COL25A1: variants seen among roughly 807,000 people sequenced by gnomAD.
COL25A1 encodes the protein collagen type XXV alpha 1 chain.
A neutral mutation model predicts 128.4 loss-of-function variants in COL25A1; 103 were observed. That is an observed-to-expected ratio of 0.80 (90% confidence interval 0.68 to 0.94). COL25A1 has a LOEUF of 0.94. Ranked by LOEUF, COL25A1 falls within the 40% of genes least tolerant of loss-of-function variation. COL25A1 has a pLI of 0.00. For missense variants in COL25A1, 745 were observed against 840.0 expected (o/e 0.89, Z 1.40); for synonymous variants, 279 against 277.2 (o/e 1.01, Z -0.06).
intron 11 of COL25A1, among the ~76,000 whole-genome samples, chr4:108,921,647 C>T (rs1745506080): frequency 6.6e-6 from 1 of 152,172 alleles, no homozygotes; most frequent in Non-Finnish European, 1.5e-5. Context: ...CTCATGCATC[C>T]TTTTTATTAA....
chr4:109,201,677 C>T (rs368928102), intron 3 of COL25A1, among the ~76,000 whole-genome samples: 15 of 152,058 alleles, frequency 9.9e-5, no homozygotes, highest in Non-Finnish European at 1.6e-4. Context: ...GGCATATAGA[C>T]TGGGAAGGAA....
intron 3 of COL25A1, among the ~76,000 whole-genome samples, chr4:109,116,523 C>T (rs1025585816): frequency 1.3e-5 from 2 of 151,944 alleles, no homozygotes; most frequent in East Asian, 1.9e-4. Flanking sequence ...TAGAACTCTC[C>T]TCCTCTCCCC....
At chr4:108,978,620 G>A (rs1019489874) in intron 6 of COL25A1, among the ~76,000 whole-genome samples, 2 of 152,066 alleles carry the variant, frequency 1.3e-5, no homozygotes, top group South Asian at 4.1e-4. Flanking sequence ...ATGGCTATTT[G>A]AATTACAAAT....
intron 13 of COL25A1, among the ~76,000 whole-genome samples, chr4:108,911,341 T>C (rs947266720): frequency 6.6e-6 from 1 of 152,178 alleles, no homozygotes; most frequent in Non-Finnish European, 1.5e-5. Flanking sequence ...TCACTGAAAG[T>C]CTCCGATTCA....
At position 108,869,091 on chromosome 4, in the gene COL25A1, T is replaced by C; in HGVS notation, c.1080A>G (p.Thr360=). ...GGAAAGAAAGAGGCCCACTTACTTTTGTTCCTGGTAAACCTGGTAAGCCTG... is the reference window on the plus strand; with the variant it reads ...GGAAAGAAAGAGGCCCACTTACTTTCGTTCCTGGTAAACCTGGTAAGCCTG... ...GEPGLPGLPG[T]KGERGEAGPP... is the part of the protein sequence containing the mutation. The change falls in exon 20 of 38, where the codon ACA becomes ACG. Residue 360 remains threonine, a synonymous_variant. Coordinates refer to ENST00000399132, the MANE Select transcript of COL25A1 (RefSeq NM_198721.4). 1.3e-6 allele frequency: 2 copies of C among 1,567,950 alleles called. No individual in the cohort carries two copies. The highest frequency in any genetic ancestry group is 1.7e-6 in the Non-Finnish European group (2 of 1,159,874).
chr4:109,287,300 C>A (rs1453670180), intron 3 of COL25A1, among the ~76,000 whole-genome samples: 1 of 152,104 alleles, frequency 6.6e-6, no homozygotes, highest in African/African-American at 2.4e-5. Context: ...TAGGGTTTAG[C>A]AGCCTACTTA....
At chr4:109,173,397 T>G (rs1251313161) in intron 3 of COL25A1, among the ~76,000 whole-genome samples, 1 of 152,208 alleles carries the variant, frequency 6.6e-6, no homozygotes, top group Admixed American at 6.5e-5. Flanking sequence ...AGATACTTCC[T>G]GATGAATTAA....
At chr4:108,941,212 C>T (rs757096153) in intron 9 of COL25A1, among the ~76,000 whole-genome samples, 154 bp downstream of exon 9, 2 of 152,098 alleles carry the variant, frequency 1.3e-5, no homozygotes, top group Non-Finnish European at 2.9e-5. Flanking sequence ...ACAAATGCAG[C>T]TCACTAAACT....
At chr4:109,196,383 T>C (rs1449971091) in intron 3 of COL25A1, among the ~76,000 whole-genome samples, 1 of 152,144 alleles carries the variant, frequency 6.6e-6, no homozygotes, top group Non-Finnish European at 1.5e-5. Flanking sequence ...GTATGCATTA[T>C]AACATGCATA....
At chr4:108,815,387 T>C (rs1731155319) in intron 37 of COL25A1, among the ~76,000 whole-genome samples, 1 of 152,066 alleles carries the variant, frequency 6.6e-6, no homozygotes, top group African/African-American at 2.4e-5. Context: ...TAAAAAATAG[T>C]TTTATTTGAC....
chr4:108,962,628 C>T (rs556993919), intron 8 of COL25A1, among the ~76,000 whole-genome samples: 20 of 152,146 alleles, frequency 1.3e-4, no homozygotes, highest in Non-Finnish European at 2.9e-4. Context: ...TGACTCTTGT[C>T]AACCAGATTC....
intron 3 of COL25A1, among the ~76,000 whole-genome samples, chr4:109,088,567 T>A (rs986635917): frequency 5.9e-5 from 9 of 152,180 alleles, no homozygotes; most frequent in Non-Finnish European, 8.8e-5. Flanking sequence ...CTTGCACCCA[T>A]GAAGCTTAAC....
At position 109,254,758 on chromosome 4, in the gene COL25A1, T is replaced by C. The variant is rs182935640; in HGVS notation, c.367+45825A>G. Among the ~76,000 whole-genome samples the C allele has an allele frequency of 4.7e-3, 711 of 152,058 alleles. 4 individuals are homozygous for C. Among genetic ancestry groups the C allele is most frequent in the Non-Finnish European group, 6.6e-3 (451 of 67,982 alleles). ...TTAACTATTACTGTGTTTTGATCAA[T>C]ATGCTTAAAAATAAGACACACTGCC... On this transcript the variant is annotated intron_variant, in intron 3 of 37. Transcript: ENST00000399132.
Position 109,069,810 on chromosome 4 carries a change from C to T in COL25A1, c.368-19631G>A, listed in dbSNP as rs1159747864. ...AATTGTCCAGGAAATGTGGAAGCTGCTGGCTTCTAAACATTTGAAAACTCA... is the reference window on the plus strand; with the variant it reads ...AATTGTCCAGGAAATGTGGAAGCTGTTGGCTTCTAAACATTTGAAAACTCA... On this transcript the variant is annotated intron_variant, in intron 3 of 37. Coordinates refer to ENST00000399132, the MANE Select transcript of COL25A1 (RefSeq NM_198721.4). Among the ~76,000 whole-genome samples the T allele has an allele frequency of 2.6e-5, 4 of 152,146 alleles. No individual in the cohort carries two copies. The East Asian group carries it at 7.7e-4, about 29-fold the overall frequency.
At chr4:109,243,365 C>T (rs935796911) in intron 3 of COL25A1, among the ~76,000 whole-genome samples, 1 of 151,762 alleles carries the variant, frequency 6.6e-6, no homozygotes, top group Admixed American at 6.6e-5. Flanking sequence ...ATGAGAGGGG[C>T]CTTTGGAACA....
At chr4:108,856,470 G>A (rs1465123235) in intron 24 of COL25A1, among the ~76,000 whole-genome samples, 1 of 152,096 alleles carries the variant, frequency 6.6e-6, no homozygotes, top group Non-Finnish European at 1.5e-5. Flanking sequence ...CTGCAAAACT[G>A]TAAATATCCA....
intron 24 of COL25A1, among the ~76,000 whole-genome samples, chr4:108,858,452 G>C (rs1172426074): frequency 2.0e-5 from 3 of 152,034 alleles, no homozygotes; most frequent in African/African-American, 7.2e-5. Context: ...AATAAGTAAA[G>C]GACTAAGAAT....
Position 109,120,192 on chromosome 4 carries a change from C to T in COL25A1, c.368-70013G>A, listed in dbSNP as rs554697691. 4.2e-4 allele frequency among the ~76,000 whole-genome samples: 64 copies of T among 152,168 alleles called. No individual in the cohort carries two copies. The Middle Eastern group carries it at 0.027, about 65-fold the overall frequency. On this transcript the variant is annotated intron_variant, in intron 3 of 37. Transcript: ENST00000399132. Reference sequence around the variant, plus strand: ...ACATCATACTTAAGAGTGAGAAACTCAAAGCTTTCCAGTTTAGATCAGGAA... The same window carrying T: ...ACATCATACTTAAGAGTGAGAAACTTAAAGCTTTCCAGTTTAGATCAGGAA...
At chr4:108,900,943 A>G (rs1232026715) in intron 14 of COL25A1, among the ~76,000 whole-genome samples, 176 bp downstream of exon 14, 3 of 152,150 alleles carry the variant, frequency 2.0e-5, no homozygotes, top group African/African-American at 7.2e-5. Flanking sequence ...AATGAGAATC[A>G]CAAATATAAT....
Sources: allele counts gnomAD v4.1 joint callset (sites outside exome capture counted in the v4.1 genomes callset), GRCh38; gene constraint gnomAD v4.1.1; transcripts MANE v1.5; gene names NCBI Gene and HGNC (gene_info 2026-07-23, HGNC 2026-07-21).